BUB1B: variants seen among roughly 807,000 people sequenced by gnomAD.
BUB1B encodes BUB1 mitotic checkpoint serine/threonine kinase B, also known as mitotic checkpoint serine/threonine-protein kinase BUB1 beta.
In BUB1B, 86 loss-of-function variants were observed where a neutral mutation model predicts 137.7. That is an observed-to-expected ratio of 0.62 (90% CI 0.52 to 0.75). The LOEUF is 0.75. Ranked by LOEUF, BUB1B falls within the 30% of genes least tolerant of loss-of-function variation. BUB1B has a pLI of 0.00. For synonymous variants in BUB1B, 420 were observed against 417.9 expected, an observed-to-expected ratio of 1.00 and a Z score of -0.06; for missense variants, 1,130 against 1,236.9, an observed-to-expected ratio of 0.91 and a Z score of 1.30.
rs1460721421 is a variant in BUB1B at position 40,213,312 on chromosome 15, T to C, written c.2536-20T>C. The C allele has an allele frequency of 6.2e-7, 1 of 1,612,876 alleles. No homozygotes were observed. Among genetic ancestry groups the C allele is most frequent in the African/African-American group, 1.3e-5 (1 of 74,906 alleles). On this transcript the variant is annotated intron_variant, in intron 19 of 22. Transcript: ENST00000287598. ...TGCCAAACTTGAGAAATAGTGAGTTTTCTGTCCTTCAATTTCCAGGATCTT... is the reference window on the plus strand; with the variant it reads ...TGCCAAACTTGAGAAATAGTGAGTTCTCTGTCCTTCAATTTCCAGGATCTT...
intron 8 of BUB1B, chr15:40,187,130 A>ATTT (rs11446094): frequency 3.5e-5 from 5 of 143,934 alleles, no homozygotes; most frequent in Non-Finnish European, 6.0e-5. Flanking sequence ...TACAAAACAA[A>ATTT]TTTTTTTTTT....
chr15:40,214,002 C>T (rs568037174), intron 20 of BUB1B, among the ~76,000 whole-genome samples: 3 of 152,242 alleles, frequency 2.0e-5, no homozygotes, highest in East Asian at 3.9e-4. Flanking sequence ...GAATTAATCA[C>T]TGAGTATTGT....
Position 40,183,704 on chromosome 15 carries a change from G to T in BUB1B, c.582-10G>T. On this transcript the variant is annotated splice_polypyrimidine_tract_variant and intron_variant, in intron 5 of 22. Transcript: ENST00000287598. ...CACCTCACTAAAAGTTGTGCATTCT[G>T]CTACTTTAGACAATTCCAAGCTCGA... 1 of 1,613,824 alleles carries T rather than the reference G, an allele frequency of 6.2e-7. No individual in the cohort carries two copies. Among genetic ancestry groups the T allele is most frequent in the Non-Finnish European group, 8.5e-7 (1 of 1,179,796 alleles).
chr15:40,211,999 T>C (rs2037719020), intron 18 of BUB1B, among the ~76,000 whole-genome samples: 2 of 152,236 alleles, frequency 1.3e-5, no homozygotes, highest in African/African-American at 4.8e-5. Context: ...TAATTTTTTG[T>C]ATTTTTAGCA....
chr15:40,189,198 C>T (rs1293426159), intron 8 of BUB1B, among the ~76,000 whole-genome samples: 4 of 151,428 alleles, frequency 2.6e-5, no homozygotes, highest in Admixed American at 6.6e-5. Flanking sequence ...CTTGCTCTGT[C>T]GCCCAGGCTG....
At chr15:40,180,247 G>GTTTTTTTTT (rs1566818628) in intron 5 of BUB1B, among the ~76,000 whole-genome samples, 1 of 108,846 alleles carries the variant, frequency 9.2e-6, no homozygotes, top group Non-Finnish European at 1.8e-5. Context: ...TCAACGTTTC[G>GTTTTTTTTT]TTTCTTTTTT....
intron 5 of BUB1B, among the ~76,000 whole-genome samples, chr15:40,179,988 A>ATCTC (rs71132147): frequency 4.2e-5 from 6 of 142,574 alleles, no homozygotes; most frequent in African/African-American, 1.0e-4. Flanking sequence ...ATATATATAT[A>ATCTC]TCTCTTAAAT....
At position 40,170,681 on chromosome 15, in the gene BUB1B, AGT is replaced by A. The variant is rs1192755745; in HGVS notation, c.384+1_384+2del. Reference sequence around the variant, plus strand: ...GATTTCTCAATCTCTGGCTTAAATTAGTAAGTCTTTCTCAAGTGCCATCTGAG... The same window carrying A: ...GATTTCTCAATCTCTGGCTTAAATTAAAGTCTTTCTCAAGTGCCATCTGAG... On this transcript the variant is annotated splice_donor_variant, in intron 4 of 22. Transcript: ENST00000287598. LOFTEE classifies it high-confidence loss of function. 1 of 1,613,448 alleles carries A rather than the reference AGT, an allele frequency of 6.2e-7. No individual in the cohort carries two copies. The highest frequency in any genetic ancestry group is 1.7e-5 in the Admixed American group (1 of 60,020).
intron 3 of BUB1B, 116 bp downstream of exon 3, chr15:40,170,237 G>C: frequency 2.0e-6 from 2 of 994,622 alleles, no homozygotes; most frequent in South Asian, 2.7e-5. Flanking sequence ...GGTGTCCTGG[G>C]GGCACAGAGA....
At position 40,196,626 on chromosome 15, in the gene BUB1B, A is replaced by C; in HGVS notation, c.1140A>C (p.Gln380His). ...GAAAGGAAGAAGGAGATCCTCTACA[A>C]AGGGTTCAGAGCCATCAGCAAGCGT... ...KPGKEEGDPL[Q>H]RVQSHQQASE... The change falls in exon 9 of 23, where the codon CAA (glutamine) becomes CAC (histidine). Residue 380 changes from glutamine to histidine, a missense_variant. Transcript: ENST00000287598. 1.9e-6 allele frequency: 3 copies of C among 1,614,052 alleles called. No homozygotes were observed. The highest frequency in any genetic ancestry group is 2.5e-6 in the Non-Finnish European group (3 of 1,179,936).
rs1171928159 is a variant in BUB1B at position 40,207,209 on chromosome 15, ATGGCT to A, written c.2009+753_2009+757del. Among the ~76,000 whole-genome samples the A allele has an allele frequency of 2.2e-4, 33 of 152,324 alleles. 1 individual carries two copies. Among genetic ancestry groups the A allele is most frequent in the African/African-American group, 7.9e-4 (33 of 41,586 alleles). On this transcript the variant is annotated intron_variant, in intron 15 of 22. Transcript: ENST00000287598. The stretch of plus-strand genomic sequence containing the variant: ...TGAACTATGGAATAGATATGAGGGA[ATGGCT>A]TATGGCCAGGGTCTGACACTTGTTT...
At chr15:40,202,533 A>T (rs928954183) in intron 13 of BUB1B, 56 bp from the exon 14 acceptor site, 3 of 1,596,172 alleles carry the variant, frequency 1.9e-6, no homozygotes, top group Non-Finnish European at 1.7e-6. Flanking sequence ...AAGTGAGGAT[A>T]AATTAGGGGT....
At chr15:40,218,071 A>C (rs1187416733) in intron 21 of BUB1B, among the ~76,000 whole-genome samples, 3 of 152,238 alleles carry the variant, frequency 2.0e-5, no homozygotes, top group Non-Finnish European at 4.4e-5. Context: ...GTATGGTGGC[A>C]TTATATGCAG....
At chr15:40,181,579 T>A (rs2140888559) in intron 5 of BUB1B, among the ~76,000 whole-genome samples, 1 of 152,320 alleles carries the variant, frequency 6.6e-6, no homozygotes, top group Non-Finnish European at 1.5e-5. Context: ...TTCCCCCGAC[T>A]CTGCTACCAA....
chr15:40,182,805 TCA>T, intron 5 of BUB1B, among the ~76,000 whole-genome samples: 1 of 152,250 alleles, frequency 6.6e-6, no homozygotes, highest in East Asian at 1.9e-4. Context: ...AGTTTTACAT[TCA>T]CATACCACCA....
intron 9 of BUB1B, 28 bp downstream of exon 9, chr15:40,196,802 GACTTA>G (rs759345872): frequency 1.2e-6 from 2 of 1,602,306 alleles, no homozygotes; most frequent in Non-Finnish European, 1.7e-6. Context: ...TTGTGAAGAG[GACTTA>G]ACTTAGTTGT....
In BUB1B at chr15:40,161,205, G is replaced by A. The variant is rs772980950; in HGVS notation, c.-16G>A. 3.1e-6 allele frequency: 5 copies of A among 1,613,264 alleles called. No individual in the cohort carries two copies. The Admixed American group carries it at 6.7e-5, about 22-fold the overall frequency. ...AAGGCCTGCAGCAGGACGAGGACCT[G>A]AGCCAGGAATGCAGGATGGCGGCGG... On this transcript the variant is annotated 5_prime_UTR_variant, in exon 1 of 23. Transcript: ENST00000287598.
chr15:40,205,195 A>C (rs1221870164), intron 14 of BUB1B, among the ~76,000 whole-genome samples: 3 of 151,462 alleles, frequency 2.0e-5, no homozygotes, highest in African/African-American at 7.3e-5. Flanking sequence ...GATCCACCCA[A>C]CTCAGCGTCC....
chr15:40,212,510 A>G lies in BUB1B; in HGVS notation c.2397A>G (p.Gln799=), dbSNP rs754363122. The G allele has an allele frequency of 6.2e-7, 1 of 1,612,460 alleles. No individual in the cohort carries two copies. Among genetic ancestry groups the G allele is most frequent in the East Asian group, 2.2e-5 (1 of 44,814 alleles). Residue 799 remains glutamine, a synonymous_variant, in exon 19 of 23, where the codon CAA becomes CAG. Coordinates refer to ENST00000287598, the MANE Select transcript of BUB1B (RefSeq NM_001211.6). ...ACAATGTCTTACAGGTATCTTCTCA[A>G]CCTGTCCCATGGGACTTTTATATCA... The part of the protein sequence containing the change: ...AELTVIKVSS[Q]PVPWDFYINL...
Sources: gnomAD v4.1 joint callset for allele counts (sites outside exome capture counted in the v4.1 genomes callset) on GRCh38, gnomAD v4.1.1 for gene constraint, MANE v1.5 for transcripts, NCBI Gene and HGNC (gene_info 2026-07-23, HGNC 2026-07-21) for gene names.